The following DARS1 variants were observed in gnomAD, a reference collection of about 807,000 sequenced individuals.
DARS1 encodes the protein aspartate--tRNA ligase, cytoplasmic.
DARS1 carries 51 observed loss-of-function variants against 68.8 expected under a neutral mutation model. The ratio of observed to expected loss-of-function variants is 0.74; its 90% confidence interval spans 0.59 to 0.94. The LOEUF is 0.94. DARS1 is among the 40% of genes least tolerant of loss of function. DARS1 has a pLI of 0.00. For missense variants in DARS1, 607 were observed against 597.3 expected (o/e 1.02, Z -0.17); for synonymous variants, 203 against 190.4 (o/e 1.07, Z -0.55).
At chr2:135,945,514 G>C (rs1681701316) in intron 4 of DARS1, among the ~76,000 whole-genome samples, 1 of 152,068 alleles carries the variant, frequency 6.6e-6, no homozygotes. Flanking sequence ...CTCTGCCCAG[G>C]GCTGGCTGTA....
chr2:135,932,246 C>T (rs1681368381), intron 7 of DARS1, among the ~76,000 whole-genome samples: 1 of 152,118 alleles, frequency 6.6e-6, no homozygotes, highest in Non-Finnish European at 1.5e-5. Flanking sequence ...TTTACTACAA[C>T]AATGATGAAA....
At chr2:135,935,251 G>A (rs1209608669) in intron 5 of DARS1, among the ~76,000 whole-genome samples, 1 of 151,934 alleles carries the variant, frequency 6.6e-6, no homozygotes, top group Non-Finnish European at 1.5e-5. Flanking sequence ...CTCATTTCCT[G>A]CCAGTCTCCT....
chr2:135,937,091 G>GT (rs1019973950), intron 5 of DARS1, among the ~76,000 whole-genome samples: 59 of 151,288 alleles, frequency 3.9e-4, no homozygotes, highest in African/African-American at 1.0e-3. Flanking sequence ...TTCACTTATG[G>GT]TTTTTTTTTG....
chr2:135,950,204 G>A (rs779978652), intron 4 of DARS1, among the ~76,000 whole-genome samples: 1 of 152,038 alleles, frequency 6.6e-6, no homozygotes, highest in Non-Finnish European at 1.5e-5. Flanking sequence ...CAGTCTCTTT[G>A]GGCAGTAACA....
chr2:135,945,423 C>T (rs1011894343), intron 4 of DARS1, among the ~76,000 whole-genome samples: 8 of 152,128 alleles, frequency 5.3e-5, no homozygotes, highest in Non-Finnish European at 7.3e-5. Flanking sequence ...CCATCGCGCC[C>T]GGCCCAAACA....
At chr2:135,960,188 T>A (rs1682069833) in intron 4 of DARS1, among the ~76,000 whole-genome samples, 1 of 152,150 alleles carries the variant, frequency 6.6e-6, no homozygotes, top group African/African-American at 2.4e-5. Flanking sequence ...AGTGGTCATC[T>A]CTGGGCAGCA....
At chr2:135,984,783 G>A (rs1264723652) in intron 1 of DARS1, among the ~76,000 whole-genome samples, 1 of 152,098 alleles carries the variant, frequency 6.6e-6, no homozygotes, top group Admixed American at 6.6e-5. Flanking sequence ...TTTGATTTCT[G>A]AAAAGCACCG....
chr2:135,940,478 CT>C (rs1323565541), intron 5 of DARS1, among the ~76,000 whole-genome samples: 1 of 152,154 alleles, frequency 6.6e-6, no homozygotes, highest in African/African-American at 2.4e-5. Context: ...GCTAAAAACT[CT>C]TAATAAACTA....
At chr2:135,959,113 C>T (rs188332785) in intron 4 of DARS1, among the ~76,000 whole-genome samples, 116 of 152,076 alleles carry the variant, frequency 7.6e-4, no homozygotes, top group Admixed American at 2.8e-3. Flanking sequence ...CACCCATGGC[C>T]GGCTGCGGTG....
At chr2:135,962,099 G>A (rs899118148) in intron 3 of DARS1, among the ~76,000 whole-genome samples, 1 of 151,870 alleles carries the variant, frequency 6.6e-6, no homozygotes, top group Admixed American at 6.6e-5. Context: ...TATTTTATGA[G>A]TCTCGCATTT....
intron 2 of DARS1, among the ~76,000 whole-genome samples, chr2:135,980,244 T>A (rs917924066): frequency 6.6e-6 from 1 of 152,212 alleles, no homozygotes; most frequent in Non-Finnish European, 1.5e-5. Context: ...AAAACAACTG[T>A]TATGTAAAGA....
At chr2:135,922,699 T>C in intron 9 of DARS1, 85 bp downstream of exon 9, 1 of 1,403,218 alleles carries the variant, frequency 7.1e-7, no homozygotes, top group Non-Finnish European at 9.2e-7. Flanking sequence ...AAAGTGTCTG[T>C]ACATTATATA....
intron 11 of DARS1, 104 bp downstream of exon 11, chr2:135,916,122 G>A (rs1680997492): frequency 7.5e-6 from 4 of 533,502 alleles, no homozygotes; most frequent in Non-Finnish European, 1.3e-5. Flanking sequence ...CGGGTCAATA[G>A]GTGCAGCAAA....
At chr2:135,976,584 A>T (rs2104846786) in intron 3 of DARS1, among the ~76,000 whole-genome samples, 1 of 152,272 alleles carries the variant, frequency 6.6e-6, no homozygotes, top group Admixed American at 6.5e-5. Context: ...ACTATCAATT[A>T]AGAGACTAAA....
chr2:135,942,368 G>A (rs183518083), intron 5 of DARS1, among the ~76,000 whole-genome samples: 1 of 152,082 alleles, frequency 6.6e-6, no homozygotes, highest in Non-Finnish European at 1.5e-5. Context: ...CGTGGATGAA[G>A]CTGGAAACCA....
intron 3 of DARS1, among the ~76,000 whole-genome samples, chr2:135,974,712 T>C (rs1300027814): frequency 1.3e-5 from 2 of 152,200 alleles, no homozygotes; most frequent in East Asian, 3.8e-4. Flanking sequence ...CCTACTAGTA[T>C]TGCAAAGAGA....
At chr2:135,958,996 A>G (rs941790273) in intron 4 of DARS1, among the ~76,000 whole-genome samples, 2 of 152,110 alleles carry the variant, frequency 1.3e-5, no homozygotes, top group Non-Finnish European at 2.9e-5. Context: ...ATCAAGTCAC[A>G]ATTTAGTTAA....
At chr2:135,936,764 G>A (rs1005672144) in intron 5 of DARS1, among the ~76,000 whole-genome samples, 1 of 152,116 alleles carries the variant, frequency 6.6e-6, no homozygotes, top group South Asian at 2.1e-4. Flanking sequence ...TGTCAAATTA[G>A]GTCAGTAAAA....
chr2:135,929,749 A>G (rs1681302744), intron 7 of DARS1, among the ~76,000 whole-genome samples: 2 of 152,206 alleles, frequency 1.3e-5, no homozygotes, highest in African/African-American at 2.4e-5. Context: ...GTAATGAGCT[A>G]GGCAATGTGT....
Sources: gnomAD v4.1 joint callset for allele counts (sites outside exome capture counted in the v4.1 genomes callset) on GRCh38, gnomAD v4.1.1 for gene constraint, MANE v1.5 for transcripts, NCBI Gene and HGNC (gene_info 2026-07-23, HGNC 2026-07-21) for gene names.